Variants in FER1L6 observed in about 807,000 individuals in gnomAD.
FER1L6 encodes the protein fer-1-like protein 6.
FER1L6 carries 177 observed loss-of-function variants against 219.2 expected under a neutral mutation model. The ratio of observed to expected loss-of-function variants is 0.81; its 90% CI spans 0.71 to 0.91. The LOEUF is 0.91. Among genes scored for constraint, FER1L6 ranks in the 40% least tolerant of loss-of-function variants. FER1L6 has a pLI of 0.00. For synonymous variants in FER1L6, 768 were observed against 824.3 expected (o/e 0.93, Z 1.17); for missense variants, 2,153 against 2,259.9 (o/e 0.95, Z 0.96).
At chr8:124,070,821 GAC>G (rs757004889) in intron 30 of FER1L6, among the ~76,000 whole-genome samples, 3 of 152,100 alleles carry the variant, frequency 2.0e-5, no homozygotes, top group Non-Finnish European at 4.4e-5. Context: ...AAAATAAGGA[GAC>G]AGAGTCATTA....
rs565775881 is a variant in FER1L6 at position 123,970,064 on chromosome 8, A to C, written c.414A>C (p.Gln138His). 6.2e-7 allele frequency: 1 copy of C among 1,614,032 alleles called. No homozygotes were observed. The highest frequency in any genetic ancestry group is 8.5e-7 in the Non-Finnish European group (1 of 1,179,944). ...EYFVFDFIGP[Q>H]VHLFDKIIKI... is the part of the protein sequence containing the mutation. ...TTGTCTTCGACTTCATTGGGCCCCA[A>C]GTGCATCTTTTTGACAAGATCATCA... The change falls in exon 6 of 41, where the codon CAA (glutamine) becomes CAC (histidine). Residue 138 changes from glutamine to histidine, a missense_variant. Gln to His is a conservative substitution (Grantham distance 24). Transcript: ENST00000522917.
At chr8:123,936,462 G>GCTTT (rs1814005950) in intron 1 of FER1L6, among the ~76,000 whole-genome samples, 1 of 97,928 alleles carries the variant, frequency 1.0e-5, no homozygotes, top group Non-Finnish European at 2.0e-5. Context: ...ATTGCAGCCT[G>GCTTT]TTTTTTTTTT....
chr8:123,887,556 G>A (rs12550262), intron 1 of FER1L6, among the ~76,000 whole-genome samples: 47,032 of 152,076 alleles, frequency 0.31, 8,083 homozygotes, highest in Middle Eastern at 0.41. Context: ...TCCTTTGTGG[G>A]CCCTGACAGT....
chr8:123,922,885 G>A lies in FER1L6; in HGVS notation c.-7-33107G>A, dbSNP rs987093280. ...GAGCCATGATTTGAACTCAAAGTGT[G>A]TAATCCAAAGCCCCACTTTCCTCCC... On this transcript the variant is annotated intron_variant, in intron 1 of 40. Transcript: ENST00000522917. 5.9e-5 allele frequency among the ~76,000 whole-genome samples: 9 copies of A among 152,236 alleles called. No individual in the cohort carries two copies. In the East Asian group the frequency reaches 1.2e-3, roughly 20 times the overall value.
In FER1L6 at chr8:124,064,375, G is replaced by A. The variant is rs1446063482; in HGVS notation, c.3357G>A (p.Glu1119=). 2 of 1,612,550 alleles carry A rather than the reference G, an allele frequency of 1.2e-6. No homozygotes were observed. The highest frequency in any genetic ancestry group is 2.7e-5 in the African/African-American group (2 of 74,796). The change falls in exon 26 of 41, where the codon GAG becomes GAA. Residue 1119 remains glutamate, a synonymous_variant. Coordinates refer to ENST00000522917, the MANE Select transcript of FER1L6 (RefSeq NM_001039112.2). ...HDISDSLTAT[E]SSGAHSSSQD... ...TTTCAGATTCGCTAACAGCCACTGAGTCCTCTGGAGCCCACAGCTCCTCCC... is the reference window on the plus strand; with the variant it reads ...TTTCAGATTCGCTAACAGCCACTGAATCCTCTGGAGCCCACAGCTCCTCCC...
At chr8:124,066,641 A>C (rs1479072791) in intron 27 of FER1L6, 91 bp downstream of exon 27, 6 of 1,419,978 alleles carry the variant, frequency 4.2e-6, no homozygotes, top group Non-Finnish European at 5.8e-6. Flanking sequence ...CCTCCTTTTA[A>C]ATGCCACTAT....
chr8:124,060,172 T>G lies in FER1L6; in HGVS notation c.2875-8T>G. On this transcript the variant is annotated splice_polypyrimidine_tract_variant and splice_region_variant and intron_variant, in intron 22 of 40. Transcript: ENST00000522917. ...CAGCATCTAACTCATACTTGCCTTG[T>G]GCGGTAGGTTCCTCCTTCTGGGCTG... is the stretch of plus-strand genomic sequence containing the variant. 1 of 1,609,216 alleles carries G rather than the reference T, an allele frequency of 6.2e-7. No individual in the cohort carries two copies. Among genetic ancestry groups the G allele is most frequent in the Middle Eastern group, 1.7e-4 (1 of 6,046 alleles).
chr8:123,998,373 A>ACTCTCTCTCTCTCTCT lies in FER1L6; in HGVS notation c.1520-4757_1520-4742dup. ...CTTAGTTTCCCTCAAAAAGAGGGAAACTCTCTCTCTCTCTCTCTCTCTCTC... is the reference window on the plus strand; with the variant it reads ...CTTAGTTTCCCTCAAAAAGAGGGAAACTCTCTCTCTCTCTCTCTCTCTCTCTCTCTCTCTCTCTCTC... On this transcript the variant is annotated intron_variant, in intron 12 of 40. Transcript: ENST00000522917. Among the ~76,000 whole-genome samples, 109 of 32,476 alleles carry ACTCTCTCTCTCTCTCT rather than the reference A, an allele frequency of 3.4e-3. 21 individuals are homozygous for ACTCTCTCTCTCTCTCT. The highest frequency in any genetic ancestry group is 5.5e-3 in the Non-Finnish European group (84 of 15,354). 21.3% of individuals were successfully genotyped at this position (32,476 alleles called of 152,430 possible).
intron 1 of FER1L6, among the ~76,000 whole-genome samples, chr8:123,936,894 C>G (rs1736506433): frequency 6.6e-6 from 1 of 152,170 alleles, no homozygotes; most frequent in Non-Finnish European, 1.5e-5. Flanking sequence ...ATACAAGGGT[C>G]TTAACTGTTA....
intron 22 of FER1L6, among the ~76,000 whole-genome samples, chr8:124,051,340 A>C (rs1373875201): frequency 6.6e-6 from 1 of 152,170 alleles, no homozygotes; most frequent in Non-Finnish European, 1.5e-5. Context: ...AAGGTAAAGT[A>C]CCACCAGGCA....
In FER1L6 at chr8:123,865,825, C is replaced by A. The variant is rs142049159; in HGVS notation, c.-8+13640C>A. On this transcript the variant is annotated intron_variant, in intron 1 of 40. Transcript: ENST00000522917. ...GCGCTTCCCAGGTGAGGCAATGCCT[C>A]GCCCTGCTTTGGCTCACGCACGGTG... Among the ~76,000 whole-genome samples, 1,201 of 151,576 alleles carry A rather than the reference C, an allele frequency of 7.9e-3. 85 individuals carry two copies. Among genetic ancestry groups the A allele is most frequent in the African/African-American group, 0.029 (1,164 of 40,830 alleles).
chr8:124,027,188 G>GAATTTGGAAATT, intron 18 of FER1L6, among the ~76,000 whole-genome samples: 1 of 152,204 alleles, frequency 6.6e-6, no homozygotes, highest in South Asian at 2.1e-4. Flanking sequence ...TCCAAATAAG[G>GAATTTGGAAATT]TCATATTTTG....
At chr8:123,977,100 C>T (rs986236935) in intron 9 of FER1L6, among the ~76,000 whole-genome samples, 9 of 152,208 alleles carry the variant, frequency 5.9e-5, no homozygotes, top group African/African-American at 2.2e-4. Context: ...CAAGGTCATA[C>T]TTCTACAAAA....
intron 1 of FER1L6, among the ~76,000 whole-genome samples, chr8:123,893,212 G>A (rs1408517063): frequency 6.6e-6 from 1 of 152,028 alleles, no homozygotes; most frequent in Non-Finnish European, 1.5e-5. Flanking sequence ...CTTCTTTGGG[G>A]GAGTTCACAG....
At chr8:124,021,745 C>T (rs543890575) in intron 17 of FER1L6, 76 bp downstream of exon 17, 72 of 1,542,638 alleles carry the variant, frequency 4.7e-5, no homozygotes, top group Non-Finnish European at 6.0e-5. Context: ...ATGGTTGGTA[C>T]GGGTGAAATA....
intron 1 of FER1L6, among the ~76,000 whole-genome samples, chr8:123,855,544 G>A (rs1473610684): frequency 6.6e-6 from 1 of 152,022 alleles, no homozygotes; most frequent in Admixed American, 6.6e-5. Context: ...AGTTGGATGT[G>A]TGGGTTTATG....
chr8:124,077,555 C>T (rs1356840757), intron 32 of FER1L6, among the ~76,000 whole-genome samples: 2 of 152,206 alleles, frequency 1.3e-5, no homozygotes, highest in African/African-American at 2.4e-5. Context: ...AACACCCTTT[C>T]TTCCCTCATC....
At chr8:123,992,791 C>T (rs1018064578) in intron 12 of FER1L6, among the ~76,000 whole-genome samples, 10 of 152,106 alleles carry the variant, frequency 6.6e-5, no homozygotes, top group African/African-American at 1.4e-4. Context: ...CCTTGAGGTG[C>T]GACATTGGGT....
Position 123,938,745 on chromosome 8 carries a change from G to T in FER1L6, c.-7-17247G>T, listed in dbSNP as rs191518100. Among the ~76,000 whole-genome samples, 1,028 of 151,816 alleles carry T rather than the reference G, an allele frequency of 6.8e-3. 4 individuals are homozygous for T. The highest frequency in any genetic ancestry group is 0.02 in the Middle Eastern group (6 of 294). ...GTGTTTTTAGTAGAGATGGGGTTTT[G>T]CCCTTTTGCCCAGGCTGGCCTCAAA... On this transcript the variant is annotated intron_variant, in intron 1 of 40. Transcript: ENST00000522917.
Sources: gnomAD v4.1 joint callset for allele counts (sites outside exome capture counted in the v4.1 genomes callset) on GRCh38, gnomAD v4.1.1 for gene constraint, MANE v1.5 for transcripts, NCBI Gene and HGNC (gene_info 2026-07-23, HGNC 2026-07-21) for gene names.